Variants in ERMARD observed in about 807,000 individuals in gnomAD.
ERMARD encodes the protein ER membrane associated RNA degradation.
In ERMARD, 71 loss-of-function variants were observed where a neutral mutation model predicts 83.9. The ratio of observed to expected loss-of-function variants is 0.85; its 90% CI spans 0.70 to 1.03. The LOEUF (loss-of-function observed/expected upper bound fraction) is 1.03, where lower values mean the gene tolerates loss of function less well. Ranked by LOEUF, ERMARD falls within the 50% of genes least tolerant of loss-of-function variation. The probability of loss-of-function intolerance (pLI) is 0.00; values close to 1 mark genes in which losing one functional copy is unlikely to be tolerated. For missense variants in ERMARD, 838 were observed against 810.9 expected, an observed-to-expected ratio of 1.03 and a Z score of -0.41; for synonymous variants, 284 against 298.6, an observed-to-expected ratio of 0.95 and a Z score of 0.50.
In ERMARD at chr6:169,775,146, T is replaced by A. The variant is rs571402328; in HGVS notation, c.1318-124T>A. On this transcript the variant is annotated intron_variant, in intron 13 of 17. Coordinates refer to ENST00000366773, the MANE Select transcript of ERMARD (RefSeq NM_018341.3). ...AGAACTGACACCCACCATCTGGTTT[T>A]AAAATGTTTAGAATTTGTAATAATT... 11 of 1,053,660 alleles carry A rather than the reference T, an allele frequency of 1.0e-5. No homozygotes were observed. In the African/African-American group the frequency reaches 1.1e-4, roughly 11 times the overall value. 65.3% of individuals were successfully genotyped at this position (1,053,660 alleles called of 1,614,324 possible). A position where few individuals can be genotyped will look rare whatever the true frequency, so the allele number is the denominator to read the frequency against.
chr6:169,764,431 T>A (rs1376840848), intron 9 of ERMARD, among the ~76,000 whole-genome samples: 1 of 151,268 alleles, frequency 6.6e-6, no homozygotes, highest in Non-Finnish European at 1.5e-5. Context: ...ACCTGGCTCA[T>A]TTTTACATTT....
chr6:169,751,308 G>A, upstream of ERMARD: 2 of 1,603,408 alleles, frequency 1.2e-6, no homozygotes, highest in South Asian at 1.1e-5. Context: ...GGACATAGCC[G>A]TCTCGGGCCC....
chr6:169,763,687 CCT>C (rs1453405892), intron 9 of ERMARD, among the ~76,000 whole-genome samples: 2 of 152,264 alleles, frequency 1.3e-5, no homozygotes, highest in African/African-American at 4.8e-5. Context: ...TCAACCCCAT[CCT>C]CTGTTTCCTC....
intron 10 of ERMARD, 62 bp from the exon 11 acceptor site, chr6:169,768,038 CTGA>C: frequency 7.4e-7 from 1 of 1,355,424 alleles, no homozygotes; most frequent in Non-Finnish European, 1.1e-6. Context: ...TCCATCAACT[CTGA>C]AAGTTCTGTA....
chr6:169,773,519 T>G, intron 13 of ERMARD, 117 bp downstream of exon 13: 2 of 1,006,438 alleles, frequency 2.0e-6, no homozygotes, highest in Admixed American at 4.0e-5. Context: ...GTTGGGCAGA[T>G]CCAGCTTTTT....
Position 169,773,318 on chromosome 6 carries a change from G to A in ERMARD, c.1234-1G>A. Reference sequence around the variant, plus strand: ...AGTAACCACTGTTTTCTCTGCACTAGGAAAAATCAGCCGTAGAATTGTTGA... The same window carrying A: ...AGTAACCACTGTTTTCTCTGCACTAAGAAAAATCAGCCGTAGAATTGTTGA... On this transcript the variant is annotated splice_acceptor_variant, in intron 12 of 17. Transcript: ENST00000366773. LOFTEE classifies it high-confidence loss of function. The A allele has an allele frequency of 6.2e-7, 1 of 1,613,914 alleles. No homozygotes were observed. Among genetic ancestry groups the A allele is most frequent in the Non-Finnish European group, 8.5e-7 (1 of 1,179,864 alleles).
chr6:169,764,257 G>GT lies in ERMARD; in HGVS notation c.960+1738dup, dbSNP rs764306520. Reference sequence around the variant, plus strand: ...TCCTGCTGATTCTTTTTTTTAGTTAGTTTTTTTTTTTTGGTTTTTTTTTTT... The same window carrying GT: ...TCCTGCTGATTCTTTTTTTTAGTTAGTTTTTTTTTTTTTGGTTTTTTTTTTT... On this transcript the variant is annotated intron_variant, in intron 9 of 17. Transcript: ENST00000366773. Among the ~76,000 whole-genome samples, 1,294 of 139,686 alleles carry GT rather than the reference G, an allele frequency of 9.3e-3. 7 individuals are homozygous for GT. The highest frequency in any genetic ancestry group is 0.013 in the Non-Finnish European group (810 of 63,744). The allele number at this position is 139,686 out of a possible 152,430, so 91.6% of individuals were successfully genotyped here.
At chr6:169,764,666 G>A (rs1376225195) in intron 9 of ERMARD, among the ~76,000 whole-genome samples, 1 of 152,074 alleles carries the variant, frequency 6.6e-6, no homozygotes, top group Non-Finnish European at 1.5e-5. Flanking sequence ...CCTGCCAGAT[G>A]GAGTTCATCC....
intron 3 of ERMARD, 131 bp downstream of exon 3, chr6:169,755,553 A>C: frequency 8.7e-7 from 1 of 1,149,870 alleles, no homozygotes; most frequent in Admixed American, 2.7e-5. Flanking sequence ...GAGGGTTGTA[A>C]GAGAACCCTG....
intron 17 of ERMARD, 87 bp downstream of exon 17, chr6:169,779,382 G>C: frequency 8.6e-7 from 1 of 1,159,260 alleles, no homozygotes; most frequent in Non-Finnish European, 1.3e-6. Flanking sequence ...GGGGCAGTGT[G>C]AGTGACACTA....
At chr6:169,763,380 G>A (rs1234778908) in intron 9 of ERMARD, among the ~76,000 whole-genome samples, 1 of 152,196 alleles carries the variant, frequency 6.6e-6, no homozygotes, top group African/African-American at 2.4e-5. Flanking sequence ...GCTCCAGCCG[G>A]CTGTGTCAGC....
intron 3 of ERMARD, among the ~76,000 whole-genome samples, chr6:169,756,131 T>G (rs1554416722): frequency 6.6e-6 from 1 of 152,204 alleles, no homozygotes; most frequent in Non-Finnish European, 1.5e-5. Flanking sequence ...AACGTTTAAA[T>G]AAAGAACCTT....
chr6:169,759,869 G>A lies in ERMARD; in HGVS notation c.637G>A (p.Gly213Arg), dbSNP rs1180373506. 1.2e-6 allele frequency: 2 copies of A among 1,614,210 alleles called. No individual in the cohort carries two copies. Among genetic ancestry groups the A allele is most frequent in the Admixed American group, 3.3e-5 (2 of 60,032 alleles). Reference sequence around the variant, plus strand: ...TTCAATGATGATACTGTTGACGGCAGGATTGGGTCAGTTACTGAAGAGTTA... The same window carrying A: ...TTCAATGATGATACTGTTGACGGCAAGATTGGGTCAGTTACTGAAGAGTTA... ...YCSMMILLTA[G>R]LGQLLKSYLQ... is the part of the protein sequence containing the mutation. The change falls in exon 7 of 18, where the codon GGA becomes AGA. Residue 213 changes from glycine to arginine, a missense_variant. Physicochemically the swap from Gly to Arg is moderately radical, Grantham distance 125. Transcript: ENST00000366773.
chr6:169,772,033 AAAAG>A (rs1374427627), intron 12 of ERMARD: 15 of 152,336 alleles, frequency 9.8e-5, no homozygotes, highest in African/African-American at 2.9e-4. Context: ...AGAGAACAAA[AAAAG>A]AAATATGTTC....
At chr6:169,757,192 C>G (rs2011670) in intron 5 of ERMARD, among the ~76,000 whole-genome samples, 1 of 151,978 alleles carries the variant, frequency 6.6e-6, no homozygotes, top group Admixed American at 6.6e-5. Context: ...AACCATATCA[C>G]GGAGTAAGTG....
chr6:169,768,093 G>C lies in ERMARD; in HGVS notation c.991-10G>C. 6.2e-7 allele frequency: 1 copy of C among 1,609,932 alleles called. No homozygotes were observed. Among genetic ancestry groups the C allele is most frequent in the Non-Finnish European group, 8.5e-7 (1 of 1,176,324 alleles). ...CCAGTTAACCAATGTATTTATTTTTGATGTTTTAGATATTGGCAAAACACT... is the reference window on the plus strand; with the variant it reads ...CCAGTTAACCAATGTATTTATTTTTCATGTTTTAGATATTGGCAAAACACT... On this transcript the variant is annotated splice_polypyrimidine_tract_variant and intron_variant, in intron 10 of 17. Coordinates refer to ENST00000366773, the MANE Select transcript of ERMARD (RefSeq NM_018341.3).
chr6:169,751,521 C>G (rs374673495), upstream of ERMARD: 6 of 1,610,942 alleles, frequency 3.7e-6, no homozygotes, highest in Middle Eastern at 1.7e-4. Context: ...AACGCCCTAG[C>G]CAGTCCCGCG....
chr6:169,767,143 A>G (rs1224039323), intron 10 of ERMARD: 2 of 153,132 alleles, frequency 1.3e-5, no homozygotes, highest in Non-Finnish European at 2.9e-5. Context: ...ATGTGCACCT[A>G]AAGTGTGACG....
At chr6:169,779,579 C>T (rs147533359) in intron 17 of ERMARD, among the ~76,000 whole-genome samples, 9 of 152,272 alleles carry the variant, frequency 5.9e-5, no homozygotes, top group Admixed American at 2.6e-4. Context: ...ACTGCAGCAT[C>T]GACCTCCCAG....
Sources: gnomAD v4.1 joint callset for allele counts (sites outside exome capture counted in the v4.1 genomes callset) on GRCh38, gnomAD v4.1.1 for gene constraint, MANE v1.5 for transcripts, NCBI Gene and HGNC (gene_info 2026-07-23, HGNC 2026-07-21) for gene names.